FGD6: variants seen among roughly 807,000 people sequenced by gnomAD.
FGD6 encodes FYVE, RhoGEF and PH domain containing 6.
FGD6 carries 90 observed loss-of-function variants against 149.4 expected under a neutral mutation model. The observed-to-expected ratio is 0.60, with a 90% confidence interval of 0.51 to 0.72. The LOEUF (loss-of-function observed/expected upper bound fraction) is 0.72, where lower values mean the gene tolerates loss of function less well. Ranked by LOEUF, FGD6 falls within the 30% of genes least tolerant of loss-of-function variation. The probability of loss-of-function intolerance (pLI) is 0.00; values close to 1 mark genes in which losing one functional copy is unlikely to be tolerated. For synonymous variants in FGD6, 527 were observed against 584.0 expected, an observed-to-expected ratio of 0.90 and a Z score of 1.41; for missense variants, 1,437 against 1,684.8, an observed-to-expected ratio of 0.85 and a Z score of 2.57.
chr12:95,084,518 C>G lies in FGD6; in HGVS notation c.4236G>C (p.Glu1412Asp). ...KNMLFYVFKAEDAHSAQKWIE... is the reference protein window; with the variant it reads ...KNMLFYVFKADDAHSAQKWIE... ...CTTACTTCTGAGCCGAATGAGCATC[C>G]TCTGCTTTGAATACATAAAATAACA... Residue 1412 changes from glutamate to aspartate, a missense_variant, in exon 20 of 21, where the codon GAG (glutamate) becomes GAC (aspartate). By Grantham distance (45) the Glu-to-Asp change is conservative. Around this residue, in one of 2 missense-constraint regions of FGD6, gnomAD observed 382 missense variants for 538.7 expected, o/e 0.71. Coordinates refer to ENST00000343958, the MANE Select transcript of FGD6 (RefSeq NM_018351.4). 1 of 1,577,260 alleles carries G rather than the reference C, an allele frequency of 6.3e-7. No homozygotes were observed. Among genetic ancestry groups the G allele is most frequent in the Non-Finnish European group, 8.6e-7 (1 of 1,167,760 alleles).
At chr12:95,129,174 A>G (rs137999514) in intron 8 of FGD6, among the ~76,000 whole-genome samples, 88 of 152,320 alleles carry the variant, frequency 5.8e-4, no homozygotes, top group African/African-American at 2.0e-3. Context: ...CAGATCCTAC[A>G]GGGAGGAAAG....
chr12:95,180,293 C>T lies in FGD6; in HGVS notation c.2442-7549G>A, dbSNP rs142799372. Among the ~76,000 whole-genome samples the T allele has an allele frequency of 3.4e-3, 509 of 151,908 alleles. 1 individual carries two copies. Among genetic ancestry groups the T allele is most frequent in the Middle Eastern group, 0.014 (4 of 292 alleles). Reference sequence around the variant, plus strand: ...ATGCTGACATATACCAGGCTGTCCCCGAACACATTCAGAAAAACTGATAAA... The same window carrying T: ...ATGCTGACATATACCAGGCTGTCCCTGAACACATTCAGAAAAACTGATAAA... On this transcript the variant is annotated intron_variant, in intron 2 of 20. Coordinates refer to ENST00000343958, the MANE Select transcript of FGD6 (RefSeq NM_018351.4).
intron 3 of FGD6, among the ~76,000 whole-genome samples, chr12:95,172,047 T>TC (rs1481658967): frequency 3.6e-4 from 27 of 74,322 alleles, no homozygotes; most frequent in Non-Finnish European, 6.6e-4. Flanking sequence ...GGGGGGGGGG[T>TC]TGTTATCAAA....
chr12:95,096,324 C>T (rs1045168540), intron 14 of FGD6, among the ~76,000 whole-genome samples: 5 of 152,124 alleles, frequency 3.3e-5, no homozygotes, highest in African/African-American at 7.2e-5. Flanking sequence ...TCTCAGAAAG[C>T]GCCTCCCTAA....
At chr12:95,165,862 G>A (rs926238625) in intron 3 of FGD6, among the ~76,000 whole-genome samples, 3 of 151,264 alleles carry the variant, frequency 2.0e-5, no homozygotes, top group Non-Finnish European at 4.4e-5. Context: ...GTCCAGATTG[G>A]TCTCGAACTC....
At chr12:95,095,116 CTAA>C (rs1027645767) in intron 14 of FGD6, among the ~76,000 whole-genome samples, 3 of 152,200 alleles carry the variant, frequency 2.0e-5, no homozygotes, top group Admixed American at 2.0e-4. Flanking sequence ...GCATAGAATA[CTAA>C]ATATCTTTAG....
chr12:95,212,996 T>C (rs2056735753), intron 1 of FGD6, among the ~76,000 whole-genome samples: 1 of 152,252 alleles, frequency 6.6e-6, no homozygotes, highest in African/African-American at 2.4e-5. Context: ...CAAATTCCTA[T>C]ACTACATAAT....
chr12:95,147,487 T>C (rs1458892762), intron 5 of FGD6, among the ~76,000 whole-genome samples: 5 of 152,170 alleles, frequency 3.3e-5, no homozygotes, highest in South Asian at 2.1e-4. Flanking sequence ...TCTAGCTTCA[T>C]TGTCATCTTT....
At chr12:95,200,629 G>C (rs964932846) in intron 2 of FGD6, among the ~76,000 whole-genome samples, 3 of 152,134 alleles carry the variant, frequency 2.0e-5, no homozygotes, top group Non-Finnish European at 2.9e-5. Context: ...ACCTGGGAAA[G>C]AAAACTGAAA....
chr12:95,147,682 G>C (rs1880055423), intron 5 of FGD6, among the ~76,000 whole-genome samples: 1 of 152,186 alleles, frequency 6.6e-6, no homozygotes, highest in Admixed American at 6.6e-5. Context: ...TGAAAGTCTG[G>C]TTTTCCTATT....
intron 17 of FGD6, among the ~76,000 whole-genome samples, chr12:95,091,009 C>T (rs1220899139): frequency 3.3e-5 from 5 of 152,108 alleles, no homozygotes; most frequent in South Asian, 4.1e-4. Context: ...GGCTGAGGTA[C>T]GAGAATCGCT....
chr12:95,081,832 C>T (rs1877685440), intron 20 of FGD6, among the ~76,000 whole-genome samples: 2 of 152,118 alleles, frequency 1.3e-5, no homozygotes, highest in African/African-American at 4.8e-5. Context: ...GCCACCACAC[C>T]TGGCTAATTT....
At chr12:95,129,024 C>T (rs1831896986) in intron 8 of FGD6, among the ~76,000 whole-genome samples, 1 of 152,054 alleles carries the variant, frequency 6.6e-6, no homozygotes, top group Non-Finnish European at 1.5e-5. Context: ...CTGTGCTAGG[C>T]TACATGGAGG....
chr12:95,208,197 A>C (rs1052465583), intron 2 of FGD6, among the ~76,000 whole-genome samples: 2 of 152,114 alleles, frequency 1.3e-5, no homozygotes, highest in Non-Finnish European at 2.9e-5. Flanking sequence ...GGCTGCAGTA[A>C]GCCATGATCA....
chr12:95,140,868 G>C (rs1189188582), intron 6 of FGD6, among the ~76,000 whole-genome samples: 1 of 152,194 alleles, frequency 6.6e-6, no homozygotes, highest in East Asian at 1.9e-4. Context: ...GATTACGAAA[G>C]ATTTGTTTAA....
At chr12:95,188,833 G>A (rs1226624690) in intron 2 of FGD6, among the ~76,000 whole-genome samples, 1 of 150,990 alleles carries the variant, frequency 6.6e-6, no homozygotes, top group Admixed American at 6.6e-5. Context: ...GTAAGGAAAG[G>A]TCAAAGGTAA....
At chr12:95,156,720 G>A (rs1314268247) in intron 3 of FGD6, among the ~76,000 whole-genome samples, 1 of 151,982 alleles carries the variant, frequency 6.6e-6, no homozygotes, top group South Asian at 2.1e-4. Flanking sequence ...TACGGCTCAG[G>A]GGGCATCACA....
At chr12:95,174,143 C>A (rs998873923) in intron 2 of FGD6, among the ~76,000 whole-genome samples, 1 of 152,054 alleles carries the variant, frequency 6.6e-6, no homozygotes, top group Admixed American at 6.6e-5. Context: ...ACTCACTCCC[C>A]GGGGGTAAGT....
intron 2 of FGD6, among the ~76,000 whole-genome samples, chr12:95,184,582 T>C (rs777953185): frequency 0.011 from 34 of 3,148 alleles, no homozygotes; most frequent in African/African-American, 0.029. Flanking sequence ...TTCCTGCACG[T>C]TTTTTTTTTT....
Sources: gnomAD v4.1 joint callset for allele counts (sites outside exome capture counted in the v4.1 genomes callset) on GRCh38, gnomAD v4.1.1 for gene constraint, gnomAD v4.1.1 regional missense constraint, MANE v1.5 for transcripts, NCBI Gene and HGNC (gene_info 2026-07-23, HGNC 2026-07-21) for gene names.